The following CTNND2 variants were observed in gnomAD, a reference collection of about 807,000 sequenced individuals.
The protein encoded by CTNND2 is catenin delta 2.
A neutral mutation model predicts 144.4 loss-of-function variants in CTNND2; 22 were observed. The ratio of observed to expected loss-of-function variants is 0.15; its 90% CI spans 0.11 to 0.22. The LOEUF (loss-of-function observed/expected upper bound fraction) is 0.22. CTNND2 is among the 10% of genes least tolerant of loss of function. CTNND2 has a pLI of 1.00. For synonymous variants in CTNND2, 751 were observed against 695.6 expected (o/e 1.08, Z -1.25); for missense variants, 1,353 against 1,618.8 (o/e 0.84, Z 2.82).
chr5:11,697,333 A>G (rs1581737027), intron 2 of CTNND2, among the ~76,000 whole-genome samples: 1 of 152,234 alleles, frequency 6.6e-6, no homozygotes, highest in Non-Finnish European at 1.5e-5. Flanking sequence ...CAGTTCTTCC[A>G]TAAAACACTT....
chr5:11,164,826 C>T (rs1035242238), intron 11 of CTNND2, among the ~76,000 whole-genome samples: 4 of 152,200 alleles, frequency 2.6e-5, no homozygotes, highest in African/African-American at 9.6e-5. Context: ...GAAACCTCAA[C>T]ACTAACTCAT....
intron 11 of CTNND2, among the ~76,000 whole-genome samples, chr5:11,194,529 G>A (rs1284007325): frequency 6.6e-6 from 1 of 152,136 alleles, no homozygotes; most frequent in African/African-American, 2.4e-5. Context: ...CACTACAACA[G>A]TTCCCTCCCA....
intron 3 of CTNND2, among the ~76,000 whole-genome samples, chr5:11,460,973 C>A (rs1335383480): frequency 6.6e-6 from 1 of 151,814 alleles, no homozygotes; most frequent in Non-Finnish European, 1.5e-5. Context: ...TGCTTTAACT[C>A]AGGAGGTGGA....
At chr5:11,823,915 C>T (rs1350159909) in intron 1 of CTNND2, among the ~76,000 whole-genome samples, 1 of 151,914 alleles carries the variant, frequency 6.6e-6, no homozygotes. Flanking sequence ...TGAGACCAGC[C>T]TGGCCAACAT....
At chr5:11,663,256 C>T (rs942759896) in intron 2 of CTNND2, among the ~76,000 whole-genome samples, 1 of 152,158 alleles carries the variant, frequency 6.6e-6, no homozygotes, top group African/African-American at 2.4e-5. Flanking sequence ...CCCTAATGTT[C>T]TCCACTTGTC....
intron 7 of CTNND2, 104 bp from the exon 8 acceptor site, chr5:11,364,994 TC>T (rs1756829137): frequency 1.0e-6 from 1 of 955,716 alleles, no homozygotes; most frequent in Non-Finnish European, 1.6e-6. Context: ...TTGTTGAAAT[TC>T]CCAGGAAACC....
intron 9 of CTNND2, among the ~76,000 whole-genome samples, chr5:11,300,624 C>A (rs1297659832): frequency 6.8e-6 from 1 of 146,366 alleles, no homozygotes; most frequent in Non-Finnish European, 1.5e-5. Context: ...AGACAAACAA[C>A]TTTTTTTTTT....
chr5:11,058,882 C>A (rs888001993), intron 16 of CTNND2, among the ~76,000 whole-genome samples: 1 of 152,196 alleles, frequency 6.6e-6, no homozygotes, highest in African/African-American at 2.4e-5. Context: ...TTTGGAGCTT[C>A]AAGATTTGAC....
chr5:11,185,049 C>A (rs981171205), intron 11 of CTNND2, among the ~76,000 whole-genome samples: 1 of 152,196 alleles, frequency 6.6e-6, no homozygotes, highest in African/African-American at 2.4e-5. Context: ...AGTTCTCAAT[C>A]CATTCTTATT....
At chr5:11,670,822 T>C (rs575928150) in intron 2 of CTNND2, among the ~76,000 whole-genome samples, 4 of 152,312 alleles carry the variant, frequency 2.6e-5, no homozygotes, top group African/African-American at 9.6e-5. Flanking sequence ...GTCATTATGA[T>C]ATTAGCTGGT....
chr5:11,122,916 C>T (rs930191165), intron 12 of CTNND2, among the ~76,000 whole-genome samples: 7 of 152,024 alleles, frequency 4.6e-5, no homozygotes, highest in Non-Finnish European at 8.8e-5. Context: ...AGACCAGACC[C>T]GACCCTGGGG....
intron 16 of CTNND2, among the ~76,000 whole-genome samples, chr5:11,030,152 C>T (rs1743289423): frequency 6.6e-6 from 1 of 152,104 alleles, no homozygotes; most frequent in South Asian, 2.1e-4. Context: ...TGATGAGTCA[C>T]TTCTCTCTGC....
At chr5:11,122,293 C>T (rs370356048) in intron 12 of CTNND2, among the ~76,000 whole-genome samples, 7 of 151,936 alleles carry the variant, frequency 4.6e-5, no homozygotes, top group Non-Finnish European at 8.8e-5. Context: ...CATACAGCAT[C>T]GCAAGTAAAA....
At chr5:11,710,318 G>A (rs1270988747) in intron 2 of CTNND2, among the ~76,000 whole-genome samples, 2 of 152,068 alleles carry the variant, frequency 1.3e-5, no homozygotes, top group Non-Finnish European at 2.9e-5. Flanking sequence ...TGAGGTGGGT[G>A]GATCACGAGG....
intron 9 of CTNND2, among the ~76,000 whole-genome samples, chr5:11,256,606 GAGT>G (rs1184762150): frequency 6.6e-6 from 1 of 152,182 alleles, no homozygotes; most frequent in Non-Finnish European, 1.5e-5. Context: ...ATGACAGAAA[GAGT>G]ATATATGCAA....
intron 2 of CTNND2, among the ~76,000 whole-genome samples, chr5:11,667,593 C>T (rs183625971): frequency 1.2e-4 from 18 of 152,240 alleles, no homozygotes; most frequent in African/African-American, 4.3e-4. Flanking sequence ...CATATCCTTG[C>T]CCACTTTTTG....
intron 2 of CTNND2, among the ~76,000 whole-genome samples, chr5:11,609,628 AT>A (rs527755470): frequency 2.6e-5 from 4 of 152,174 alleles, no homozygotes; most frequent in Non-Finnish European, 5.9e-5. Flanking sequence ...TCCAATACTT[AT>A]TTTTTGGCCC....
chr5:11,333,399 G>A (rs1307590272), intron 9 of CTNND2, among the ~76,000 whole-genome samples: 1 of 152,064 alleles, frequency 6.6e-6, no homozygotes, highest in African/African-American at 2.4e-5. Flanking sequence ...CAGTAGATAG[G>A]ACCACAGGCA....
At chr5:11,495,862 T>C (rs61757520) in intron 3 of CTNND2, among the ~76,000 whole-genome samples, 2,514 of 152,194 alleles carry the variant, frequency 0.017, 72 homozygotes, top group African/African-American at 0.058. Flanking sequence ...CCAGCTCCTC[T>C]CTGCTCCCAC....
Sources: allele counts gnomAD v4.1 joint callset (sites outside exome capture counted in the v4.1 genomes callset), GRCh38; gene constraint gnomAD v4.1.1; transcripts MANE v1.5; gene names NCBI Gene and HGNC (gene_info 2026-07-23, HGNC 2026-07-21).